Variants in PALD1 observed in about 807,000 individuals in gnomAD.
PALD1 encodes paladin.
A neutral mutation model predicts 96.0 loss-of-function variants in PALD1; 57 were observed. The ratio of observed to expected loss-of-function variants is 0.59; its 90% CI spans 0.48 to 0.74. The LOEUF (loss-of-function observed/expected upper bound fraction) is 0.74. Ranked by LOEUF, PALD1 falls within the 30% of genes least tolerant of loss-of-function variation. PALD1 has a pLI of 0.00. For missense variants in PALD1, 1,063 were observed against 1,143.7 expected (o/e 0.93, Z 1.02); for synonymous variants, 464 against 473.6 (o/e 0.98, Z 0.26).
intron 10 of PALD1, among the ~76,000 whole-genome samples, chr10:70,537,367 G>A (rs186691741): frequency 3.6e-4 from 55 of 152,318 alleles, no homozygotes; most frequent in African/African-American, 1.3e-3. Flanking sequence ...GCCTCCCAAC[G>A]TGCTGGGACC....
intron 18 of PALD1, among the ~76,000 whole-genome samples, chr10:70,561,312 G>A (rs1344470742): frequency 6.6e-6 from 1 of 152,230 alleles, no homozygotes; most frequent in Non-Finnish European, 1.5e-5. Flanking sequence ...TTAATTGAAA[G>A]CAGTTTAGAA....
chr10:70,539,783 G>C lies in PALD1; in HGVS notation c.1908+21G>C. ...AGGAGGTGAGGGTGCTGCTCAGGCTGAGGCCTCTGGGGAGGGACAGGAGGC... is the reference window on the plus strand; with the variant it reads ...AGGAGGTGAGGGTGCTGCTCAGGCTCAGGCCTCTGGGGAGGGACAGGAGGC... On this transcript the variant is annotated intron_variant, in intron 15 of 19. Transcript: ENST00000263563. The surrounding 1 kb of genome is among the most constrained non-coding windows in gnomAD (Gnocchi z 4.5). 1 of 1,595,602 alleles carries C rather than the reference G, an allele frequency of 6.3e-7. No individual in the cohort carries two copies. Among genetic ancestry groups the C allele is most frequent in the Non-Finnish European group, 8.5e-7 (1 of 1,174,348 alleles).
intron 1 of PALD1, among the ~76,000 whole-genome samples, chr10:70,524,177 T>C (rs540927029): frequency 9.3e-5 from 14 of 150,728 alleles, no homozygotes; most frequent in Non-Finnish European, 2.1e-4. Flanking sequence ...CTAAGGATGC[T>C]TATTGTCCAA....
rs947847672 is a variant in PALD1, at chr10:70,540,574, G to A, written c.1909-528G>A. Among the ~76,000 whole-genome samples the A allele has an allele frequency of 1.3e-5, 2 of 152,076 alleles. No homozygotes were observed. The highest frequency in any genetic ancestry group is 4.8e-5 in the African/African-American group (2 of 41,380). On this transcript the variant is annotated intron_variant, in intron 15 of 19. Transcript: ENST00000263563. This position sits in a 1 kb window ranked among gnomAD's most constrained non-coding sequence, Gnocchi z 4.2. ...GTGTGTTGTAGGTGGGTCGCTGTGT[G>A]CTGTGTAACTGGCAATGGGGTCTGT...
chr10:70,548,084 C>T (rs1232117389), intron 18 of PALD1, among the ~76,000 whole-genome samples: 1 of 152,094 alleles, frequency 6.6e-6, no homozygotes, highest in Non-Finnish European at 1.5e-5. Context: ...GACAGGCAGA[C>T]CACCTGAGGT....
Position 70,539,274 on chromosome 10 carries a change from C to T in PALD1, c.1725+27C>T. On this transcript the variant is annotated intron_variant, in intron 14 of 19. Transcript: ENST00000263563. The surrounding 1 kb of genome is among the most constrained non-coding windows in gnomAD (Gnocchi z 4.5). The stretch of plus-strand genomic sequence containing the variant: ...TGAGGCCCCCTGCCCTCTAGGCACC[C>T]CTGCCTCCGAGGCTTCTGGGGAGTG... 6.3e-7 allele frequency: 1 copy of T among 1,587,214 alleles called. No homozygotes were observed. The highest frequency in any genetic ancestry group is 8.6e-7 in the Non-Finnish European group (1 of 1,168,380).
At chr10:70,517,761 C>T (rs755155858) in intron 1 of PALD1, among the ~76,000 whole-genome samples, 23 of 152,134 alleles carry the variant, frequency 1.5e-4, no homozygotes, top group African/African-American at 4.6e-4. Context: ...CTTCCTCCAC[C>T]GACCTGCTGT....
Position 70,534,478 on chromosome 10 carries a change from A to G in PALD1, c.1076A>G (p.Gln359Arg), listed in dbSNP as rs1363984818. Residue 359 changes from glutamine (Q) to arginine (R), a missense_variant, in exon 9 of 20, where the codon CAG becomes CGG. Physicochemically the swap from Gln to Arg is conservative, Grantham distance 43 (BLOSUM62 1). Transcript: ENST00000263563. The stretch of plus-strand genomic sequence containing the variant: ...CCTATGGAGCAGTTCCAGGTGATCC[A>G]GAGCTTTCTCCGCATGGTGCCCCAG... The part of the protein sequence containing the change: ...PLPMEQFQVI[Q>R]SFLRMVPQGR... 5.0e-6 allele frequency: 8 copies of G among 1,613,220 alleles called. No individual in the cohort carries two copies. Among genetic ancestry groups the G allele is most frequent in the Non-Finnish European group, 6.8e-6 (8 of 1,179,658 alleles).
rs527956091 is a variant in PALD1, at chr10:70,562,050, C to T, written c.2263-2314C>T. Among the ~76,000 whole-genome samples the T allele has an allele frequency of 2.0e-5, 3 of 152,324 alleles. No individual in the cohort carries two copies. In the East Asian group the frequency reaches 5.8e-4, roughly 29 times the overall value. On this transcript the variant is annotated intron_variant, in intron 18 of 19. Transcript: ENST00000263563. Reference sequence around the variant, plus strand: ...GGTCCCTCCCTGCTGGATGGATGAGCGGATTAGTGAGCTTTCTGTGGTGCA... The same window carrying T: ...GGTCCCTCCCTGCTGGATGGATGAGTGGATTAGTGAGCTTTCTGTGGTGCA...
chr10:70,520,981 C>T (rs935743319), intron 1 of PALD1, among the ~76,000 whole-genome samples: 11 of 152,262 alleles, frequency 7.2e-5, no homozygotes, highest in East Asian at 1.9e-4. Context: ...CGTGAGCCAC[C>T]GCGCCCGGCC....
chr10:70,538,796 T>G (rs1292680030), intron 12 of PALD1, 96 bp from the exon 13 acceptor site: 2 of 1,019,610 alleles, frequency 2.0e-6, no homozygotes, highest in Non-Finnish European at 3.1e-6. Context: ...AAGCTCGGGT[T>G]CCACCCCACC....
intron 18 of PALD1, among the ~76,000 whole-genome samples, chr10:70,556,471 A>G (rs966574376): frequency 4.6e-5 from 7 of 151,970 alleles, no homozygotes; most frequent in African/African-American, 7.3e-5. Flanking sequence ...ATGCGCCACC[A>G]GGCCTGGCTA....
the PALD1 span, among the ~76,000 whole-genome samples, chr10:70,458,905 G>T: frequency 6.6e-6 from 1 of 152,238 alleles, no homozygotes; most frequent in African/African-American, 2.4e-5. Flanking sequence ...CCCATTTGGT[G>T]CCAGGCGAGG....
chr10:70,561,297 G>T (rs373966203), intron 18 of PALD1, among the ~76,000 whole-genome samples: 4 of 152,234 alleles, frequency 2.6e-5, no homozygotes, highest in African/African-American at 4.8e-5. Flanking sequence ...TTGCCTCTGA[G>T]CTCTTTAATT....
chr10:70,547,904 C>T (rs1286942500), intron 18 of PALD1, among the ~76,000 whole-genome samples: 1 of 152,134 alleles, frequency 6.6e-6, no homozygotes, highest in Non-Finnish European at 1.5e-5. Flanking sequence ...CGGAGGCTGT[C>T]ATCTCAGGAC....
chr10:70,543,141 A>G (rs1221470065), intron 17 of PALD1, among the ~76,000 whole-genome samples: 1 of 143,750 alleles, frequency 7.0e-6, no homozygotes, highest in Admixed American at 7.2e-5. Flanking sequence ...GCATTTCTCT[A>G]ATGATTAGTG....
chr10:70,516,314 A>T (rs976679477), intron 1 of PALD1, among the ~76,000 whole-genome samples: 13 of 151,910 alleles, frequency 8.6e-5, no homozygotes, highest in African/African-American at 2.2e-4. Context: ...GTATTTTTAT[A>T]AAAAAGGCAC....
chr10:70,544,382 A>G (rs571444914), intron 17 of PALD1, among the ~76,000 whole-genome samples: 4 of 152,210 alleles, frequency 2.6e-5, no homozygotes, highest in Non-Finnish European at 5.9e-5. Context: ...GGTTTGCACT[A>G]TGTGTTTGAC....
chr10:70,566,782 G>A lies in PALD1; in HGVS notation c.*49G>A. ...ACCCACAGGGCCCCACGCAGGCCTGGGGTGTCTGAGGTGCTCTTGGCTGGG... is the reference window on the plus strand; with the variant it reads ...ACCCACAGGGCCCCACGCAGGCCTGAGGTGTCTGAGGTGCTCTTGGCTGGG... On this transcript the variant is annotated 3_prime_UTR_variant, in exon 20 of 20. Coordinates refer to ENST00000263563, the MANE Select transcript of PALD1 (RefSeq NM_014431.3). The A allele has an allele frequency of 7.6e-7, 1 of 1,317,828 alleles. No homozygotes were observed. Among genetic ancestry groups the A allele is most frequent in the Non-Finnish European group, 1.0e-6 (1 of 958,862 alleles). The allele number at this position is 1,317,828 out of a possible 1,614,324, so 81.6% of individuals were successfully genotyped here.
Sources: gnomAD v4.1 joint callset for allele counts (sites outside exome capture counted in the v4.1 genomes callset) on GRCh38, gnomAD v4.1.1 for gene constraint, Gnocchi (gnomAD v3.1) non-coding constraint, MANE v1.5 for transcripts, NCBI Gene and HGNC (gene_info 2026-07-23, HGNC 2026-07-21) for gene names.